CENPP: variants seen among roughly 807,000 people sequenced by gnomAD.
The protein encoded by CENPP is centromere protein P.
CENPP carries 24 observed loss-of-function variants against 35.6 expected under a neutral mutation model. That is an observed-to-expected ratio of 0.67 (90% CI 0.49 to 0.95). CENPP has a LOEUF of 0.95. Among genes scored for constraint, CENPP ranks in the 40% least tolerant of loss-of-function variants. CENPP has a pLI of 0.00. For missense variants in CENPP, 332 were observed against 345.3 expected, an observed-to-expected ratio of 0.96 and a Z score of 0.31; for synonymous variants, 120 against 125.5, an observed-to-expected ratio of 0.96 and a Z score of 0.29.
chr9:92,464,691 C>T (rs1845239891), intron 5 of CENPP: 1 of 656,022 alleles, frequency 1.5e-6, no homozygotes, highest in Non-Finnish European at 2.8e-6. Context: ...AAGTTCATTG[C>T]TTCTTAATGT....
At chr9:92,450,565 T>G (rs972352440) in intron 5 of CENPP, among the ~76,000 whole-genome samples, 1 of 152,142 alleles carries the variant, frequency 6.6e-6, no homozygotes, top group Non-Finnish European at 1.5e-5. Context: ...TACGTGTGCA[T>G]GTGTCTTTAT....
At chr9:92,505,123 G>C (rs1225941439) in intron 5 of CENPP, among the ~76,000 whole-genome samples, 1 of 152,188 alleles carries the variant, frequency 6.6e-6, no homozygotes, top group Non-Finnish European at 1.5e-5. Context: ...AGTGTCTGTG[G>C]TTTTGCCTGG....
chr9:92,553,586 C>T (rs1849660316), intron 5 of CENPP, among the ~76,000 whole-genome samples: 1 of 152,042 alleles, frequency 6.6e-6, no homozygotes, highest in South Asian at 2.1e-4. Flanking sequence ...TTTCTTTCAG[C>T]AGTGTTTTGT....
In CENPP at chr9:92,580,080, T is replaced by C. The variant is rs957797262; in HGVS notation, c.565-31234T>C. ...ATAATCATGTGGTTTTTGTCTTTGG[T>C]TCTGTTTATATGCTGGATTACATTT... On this transcript the variant is annotated intron_variant, in intron 5 of 7. Transcript: ENST00000375587. Among the ~76,000 whole-genome samples, 10 of 152,098 alleles carry C rather than the reference T, an allele frequency of 6.6e-5. No homozygotes were observed. The East Asian group carries it at 1.7e-3, about 26-fold the overall frequency.
At chr9:92,462,345 G>C (rs566680100) in intron 5 of CENPP, among the ~76,000 whole-genome samples, 2 of 152,298 alleles carry the variant, frequency 1.3e-5, no homozygotes, top group African/African-American at 4.8e-5. Context: ...GCACATGGCA[G>C]GTGCCCAGTG....
chr9:92,619,487 T>C lies in CENPP; in HGVS notation c.*6338T>C. ...CATGCCTTGCAGTGGGGGCCTCACCTGGCATCCTGCAGACAGGGAGACAGT... is the reference window on the plus strand; with the variant it reads ...CATGCCTTGCAGTGGGGGCCTCACCCGGCATCCTGCAGACAGGGAGACAGT... On this transcript the variant is annotated 3_prime_UTR_variant, in exon 8 of 8. Coordinates refer to ENST00000375587, the MANE Select transcript of CENPP (RefSeq NM_001012267.3). 1 of 1,585,626 alleles carries C rather than the reference T, an allele frequency of 6.3e-7. No homozygotes were observed. Among genetic ancestry groups the C allele is most frequent in the Non-Finnish European group, 8.6e-7 (1 of 1,165,986 alleles).
intron 5 of CENPP, chr9:92,500,673 C>G: frequency 6.6e-7 from 1 of 1,507,904 alleles, no homozygotes; most frequent in Non-Finnish European, 9.0e-7. Flanking sequence ...GTTGTTTTAT[C>G]ATATATTTTG....
At chr9:92,493,314 A>G (rs1278496913) in intron 5 of CENPP, among the ~76,000 whole-genome samples, 1 of 152,194 alleles carries the variant, frequency 6.6e-6, no homozygotes, top group Non-Finnish European at 1.5e-5. Context: ...GTTATTTTAT[A>G]ATTGAATCAA....
intron 5 of CENPP, among the ~76,000 whole-genome samples, chr9:92,591,443 A>C (rs1850661847): frequency 6.7e-6 from 1 of 148,608 alleles, no homozygotes; most frequent in African/African-American, 2.5e-5. Flanking sequence ...AATAAATAAG[A>C]CCTGCAGGGA....
At chr9:92,502,802 G>GT in intron 5 of CENPP, 39 of 384,742 alleles carry the variant, frequency 1.0e-4, no homozygotes, top group South Asian at 4.7e-4. Flanking sequence ...TTTTTAAGTT[G>GT]TCTTTTTTTT....
intron 5 of CENPP, among the ~76,000 whole-genome samples, chr9:92,525,051 C>A (rs1489346560): frequency 6.6e-6 from 1 of 152,156 alleles, no homozygotes; most frequent in East Asian, 1.9e-4. Context: ...GTGGCTCATG[C>A]CTGTAATCCC....
chr9:92,447,651 T>A (rs913688239), intron 5 of CENPP, among the ~76,000 whole-genome samples: 4 of 152,190 alleles, frequency 2.6e-5, no homozygotes, highest in African/African-American at 9.7e-5. Context: ...TTTGTTTTCC[T>A]TTCACATATT....
intron 4 of CENPP, among the ~76,000 whole-genome samples, chr9:92,365,741 A>G (rs897975885): frequency 3.9e-5 from 6 of 151,934 alleles, no homozygotes; most frequent in African/African-American, 1.4e-4. Context: ...TGTAAATTAT[A>G]AATTTGTGAT....
intron 5 of CENPP, among the ~76,000 whole-genome samples, chr9:92,539,359 C>T (rs1563994903): frequency 7.1e-6 from 1 of 141,528 alleles, no homozygotes; most frequent in Non-Finnish European, 1.5e-5. Flanking sequence ...CCACCCCCCA[C>T]CCCAACCCAC....
intron 4 of CENPP, among the ~76,000 whole-genome samples, chr9:92,367,732 C>T (rs1264879740): frequency 1.3e-5 from 2 of 152,166 alleles, no homozygotes; most frequent in Non-Finnish European, 2.9e-5. Context: ...ATTCTTCTGC[C>T]TCAGCCTCCA....
At chr9:92,531,824 G>A (rs938999420) in intron 5 of CENPP, among the ~76,000 whole-genome samples, 35 of 151,992 alleles carry the variant, frequency 2.3e-4, no homozygotes, top group African/African-American at 8.2e-4. Flanking sequence ...CAGATGTGTT[G>A]ATCAGTTATT....
chr9:92,403,346 G>T, intron 5 of CENPP: 1 of 1,613,466 alleles, frequency 6.2e-7, no homozygotes, highest in Non-Finnish European at 8.5e-7. Flanking sequence ...CTGGGTTGGT[G>T]GTGCTGGCTT....
At chr9:92,549,036 A>C (rs1184879343) in intron 5 of CENPP, among the ~76,000 whole-genome samples, 2 of 152,236 alleles carry the variant, frequency 1.3e-5, no homozygotes, top group African/African-American at 2.4e-5. Context: ...TGGTAGTGAT[A>C]GAAGGATAAA....
chr9:92,406,768 C>A (rs112120625), intron 5 of CENPP, among the ~76,000 whole-genome samples: 1 of 152,118 alleles, frequency 6.6e-6, no homozygotes, highest in Non-Finnish European at 1.5e-5. Context: ...TGTTGACTGA[C>A]GGCCTCCCTC....
Sources: gnomAD v4.1 joint callset for allele counts (sites outside exome capture counted in the v4.1 genomes callset) on GRCh38, gnomAD v4.1.1 for gene constraint, MANE v1.5 for transcripts, NCBI Gene and HGNC (gene_info 2026-07-23, HGNC 2026-07-21) for gene names.